The following MYO16 variants were observed in gnomAD, a reference collection of about 807,000 sequenced individuals.
MYO16 encodes myosin XVI, also known as unconventional myosin-XVI.
Under a neutral mutation model 205.3 loss-of-function variants are expected in MYO16, and 94 were observed. That is an observed-to-expected ratio of 0.46 (90% CI 0.39 to 0.54). MYO16 has a LOEUF of 0.54. Ranked by LOEUF, MYO16 falls within the 20% of genes least tolerant of loss-of-function variation. MYO16 has a pLI of 0.00. For missense variants in MYO16, 2,315 were observed against 2,387.5 expected, an observed-to-expected ratio of 0.97 and a Z score of 0.63; for synonymous variants, 988 against 954.0, an observed-to-expected ratio of 1.04 and a Z score of -0.66.
At chr13:108,532,153 C>A in the MYO16 span, among the ~76,000 whole-genome samples, 1 of 151,984 alleles carries the variant, frequency 6.6e-6, no homozygotes, top group Non-Finnish European at 1.5e-5. Flanking sequence ...TTGCCGTGAG[C>A]CGAGATTGTG....
intron 22 of MYO16, among the ~76,000 whole-genome samples, chr13:109,017,983 T>TTC (rs1885886770): frequency 6.6e-6 from 1 of 152,224 alleles, no homozygotes; most frequent in Non-Finnish European, 1.5e-5. Context: ...ATCAAAGTCA[T>TTC]TCTCCGTCCT....
chr13:109,182,103 C>T (rs1594166066), intron 34 of MYO16, among the ~76,000 whole-genome samples: 1 of 152,154 alleles, frequency 6.6e-6, no homozygotes, highest in African/African-American at 2.4e-5. Context: ...CAGGCGGGAG[C>T]CACTGCACCT....
chr13:109,017,959 A>G (rs562856971), intron 22 of MYO16, among the ~76,000 whole-genome samples: 1 of 152,234 alleles, frequency 6.6e-6, no homozygotes, highest in Admixed American at 6.5e-5. Context: ...TCTGAAGCCT[A>G]CTTCTTTCAG....
chr13:108,727,294 T>G (rs1018079976), intron 3 of MYO16, 146 bp from the exon 4 acceptor site: 7 of 734,230 alleles, frequency 9.5e-6, no homozygotes, highest in Non-Finnish European at 1.5e-5. Context: ...GTTGGTTAGT[T>G]GGGGAAATAC....
intron 9 of MYO16, among the ~76,000 whole-genome samples, chr13:108,830,065 A>G (rs1876517839): frequency 7.3e-6 from 1 of 137,166 alleles, no homozygotes; most frequent in Non-Finnish European, 1.6e-5. Flanking sequence ...ATGAGATACC[A>G]TCTCACACCA....
At chr13:108,565,813 G>T in the MYO16 span, among the ~76,000 whole-genome samples, 1 of 152,138 alleles carries the variant, frequency 6.6e-6, no homozygotes, top group African/African-American at 2.4e-5. Context: ...TTAGCTGTGG[G>T]TCTGTCATGT....
intron 27 of MYO16, among the ~76,000 whole-genome samples, chr13:109,068,151 T>TA (rs34824616): frequency 1.3e-5 from 2 of 152,084 alleles, no homozygotes; most frequent in Non-Finnish European, 2.9e-5. Context: ...GTGAGGTCCA[T>TA]AAAAAAATTC....
At chr13:108,883,034 C>T (rs141477021) in intron 12 of MYO16, 25 bp from the exon 13 acceptor site, 179 of 1,611,622 alleles carry the variant, frequency 1.1e-4, no homozygotes, top group Non-Finnish European at 1.4e-4. Context: ...TGAGGTTTTC[C>T]CCTTGCTGCT....
chr13:108,537,344 T>A, the MYO16 span, among the ~76,000 whole-genome samples: 1 of 152,164 alleles, frequency 6.6e-6, no homozygotes, highest in African/African-American at 2.4e-5. Context: ...TTCCTTTTTA[T>A]GGCTGCATAG....
chr13:108,668,185 G>A (rs1018392395), intron 2 of MYO16, among the ~76,000 whole-genome samples: 2 of 152,216 alleles, frequency 1.3e-5, no homozygotes, highest in African/African-American at 4.8e-5. Flanking sequence ...TATTATATAA[G>A]TTACGTTTCC....
At chr13:109,112,791 G>A (rs1431696626) in intron 28 of MYO16, among the ~76,000 whole-genome samples, 1 of 152,120 alleles carries the variant, frequency 6.6e-6, no homozygotes, top group Non-Finnish European at 1.5e-5. Flanking sequence ...AAATATCTGA[G>A]GTCATGTTAT....
chr13:109,193,913 C>T (rs1019862275), intron 34 of MYO16, among the ~76,000 whole-genome samples: 4 of 152,168 alleles, frequency 2.6e-5, no homozygotes, highest in Non-Finnish European at 5.9e-5. Context: ...TACCACTCAA[C>T]TCAATTAGCC....
chr13:109,012,995 A>G (rs886113837), intron 22 of MYO16, among the ~76,000 whole-genome samples: 3 of 150,574 alleles, frequency 2.0e-5, no homozygotes, highest in African/African-American at 7.3e-5. Context: ...TTTAAGTTCT[A>G]GGGTACATGT....
At chr13:109,023,578 TATTTATATATACAAATATAA>T (rs1886206086) in intron 23 of MYO16, among the ~76,000 whole-genome samples, 1 of 125,584 alleles carries the variant, frequency 8.0e-6, no homozygotes, top group African/African-American at 3.0e-5. Context: ...TACATGTATA[TATTTATATATACAAATATAA>T]ATGTACATAT....
chr13:109,180,910 A>T (rs898681328), intron 34 of MYO16, among the ~76,000 whole-genome samples: 9 of 152,162 alleles, frequency 5.9e-5, no homozygotes, highest in African/African-American at 2.2e-4. Flanking sequence ...TGATTTTTGT[A>T]TTGGAGGCCT....
intron 2 of MYO16, among the ~76,000 whole-genome samples, chr13:108,673,399 T>C (rs1220909685): frequency 6.6e-6 from 1 of 151,980 alleles, no homozygotes; most frequent in Non-Finnish European, 1.5e-5. Flanking sequence ...TGTTATTTAT[T>C]TACTACTTAA....
chr13:108,731,819 A>G (rs1355748952), intron 4 of MYO16, among the ~76,000 whole-genome samples: 1 of 152,198 alleles, frequency 6.6e-6, no homozygotes, highest in East Asian at 1.9e-4. Flanking sequence ...TCATTCATTT[A>G]CTAAATATTT....
At chr13:108,590,068 A>T in the MYO16 span, among the ~76,000 whole-genome samples, 1 of 152,198 alleles carries the variant, frequency 6.6e-6, no homozygotes, top group African/African-American at 2.4e-5. Flanking sequence ...TTTTTTAAAA[A>T]ATCAAATTTT....
At chr13:108,868,759 A>G (rs527967051) in intron 12 of MYO16, among the ~76,000 whole-genome samples, 1 of 151,990 alleles carries the variant, frequency 6.6e-6, no homozygotes, top group South Asian at 2.1e-4. Context: ...CATCTCTACT[A>G]AAAATACAAA....
Sources: allele counts gnomAD v4.1 joint callset (sites outside exome capture counted in the v4.1 genomes callset), GRCh38; gene constraint gnomAD v4.1.1; transcripts MANE v1.5; gene names NCBI Gene and HGNC (gene_info 2026-07-23, HGNC 2026-07-21).